The following ZNF883 variants were observed in gnomAD, a reference collection of about 807,000 sequenced individuals.
ZNF883 encodes the protein zinc finger protein 883.
exon 1 of ZNF883, chr9:112,998,101 G>C (rs113877750): frequency 3.1e-6 from 5 of 1,613,896 alleles, no homozygotes; most frequent in African/African-American, 2.7e-5. Flanking sequence ...CAAGATTACT[G>C]TTCCGGGTAA....
chr9:112,998,386 T>C, upstream of ZNF883: 1 of 698,284 alleles, frequency 1.4e-6, no homozygotes. Flanking sequence ...TTCTTATATC[T>C]AATAAATTAT....
chr9:112,991,734 T>C (rs1210588918), intron 1 of ZNF883, among the ~76,000 whole-genome samples: 1 of 152,214 alleles, frequency 6.6e-6, no homozygotes, highest in Non-Finnish European at 1.5e-5. Context: ...TGTCGGTCTC[T>C]AAGAACTTGT....
intron 2 of ZNF883, among the ~76,000 whole-genome samples, chr9:113,010,799 A>AAC (rs1828527016): frequency 6.6e-6 from 1 of 152,142 alleles, no homozygotes; most frequent in African/African-American, 2.4e-5. Flanking sequence ...CAGGATGCCC[A>AAC]ACATGGTGAA....
chr9:112,992,264 C>CAAGGGAG (rs1485675838), downstream of ZNF883, among the ~76,000 whole-genome samples: 1 of 152,150 alleles, frequency 6.6e-6, no homozygotes, highest in African/African-American at 2.4e-5. Context: ...GGAGCTCTTG[C>CAAGGGAG]AAGGGAGGCC....
upstream of ZNF883, chr9:113,001,959 C>T (rs576539512): frequency 2.4e-4 from 37 of 152,266 alleles, no homozygotes; most frequent in African/African-American, 6.5e-4. Flanking sequence ...ATCTCATGAT[C>T]CTACATATTT....
At chr9:112,993,794 T>C (rs2118601610), downstream of ZNF883, among the ~76,000 whole-genome samples, 1 of 152,316 alleles carries the variant, frequency 6.6e-6, no homozygotes. Flanking sequence ...GTGAGGAGGA[T>C]TGATCAGGGC....
downstream of ZNF883, among the ~76,000 whole-genome samples, chr9:112,996,230 T>C (rs1828352834): frequency 6.6e-6 from 1 of 152,196 alleles, no homozygotes; most frequent in African/African-American, 2.4e-5. Flanking sequence ...AATATTTCCC[T>C]CTGAGAATTT....
chr9:112,997,086 A>G (rs1400396008), downstream of ZNF883: 2 of 1,520,278 alleles, frequency 1.3e-6, no homozygotes, highest in South Asian at 1.3e-5. Flanking sequence ...TGTAAACAAT[A>G]ACCTACGACT....
exon 1 of ZNF883, chr9:112,997,401 G>T (rs753821190): frequency 1.9e-6 from 3 of 1,613,978 alleles, no homozygotes; most frequent in Non-Finnish European, 2.5e-6. Context: ...ACACAAGAAT[G>T]AATTTTTAGA....
chr9:112,995,201 T>A (rs1452294986), downstream of ZNF883, among the ~76,000 whole-genome samples: 6 of 151,154 alleles, frequency 4.0e-5, no homozygotes, highest in Non-Finnish European at 8.9e-5. Context: ...CCAAATAGAA[T>A]AAAAGGCTGA....
upstream of ZNF883, chr9:113,001,897 T>A (rs1828429522): frequency 6.6e-6 from 1 of 152,168 alleles, no homozygotes; most frequent in African/African-American, 2.4e-5. Context: ...TACAGAAATA[T>A]CTTGTCTCTG....
downstream of ZNF883, among the ~76,000 whole-genome samples, chr9:112,995,286 A>G (rs1350306262): frequency 4.6e-5 from 7 of 152,086 alleles, no homozygotes; most frequent in East Asian, 1.3e-3. Context: ...TCAAACTGGA[A>G]CTTACACCTT....
intron 2 of ZNF883, among the ~76,000 whole-genome samples, chr9:113,008,613 AATTTTTCT>A (rs1226850700): frequency 1.3e-5 from 2 of 152,116 alleles, no homozygotes; most frequent in African/African-American, 4.8e-5. Flanking sequence ...ATTTTATTTG[AATTTTTCT>A]ATTTTTCTGA....
downstream of ZNF883, among the ~76,000 whole-genome samples, chr9:112,994,160 G>C (rs989010269): frequency 1.3e-5 from 2 of 152,200 alleles, no homozygotes; most frequent in African/African-American, 4.8e-5. Context: ...CTGATCTGTG[G>C]GTTGCACAGA....
rs188792103 is a variant in ZNF883 at position 113,009,435 on chromosome 9, C to T, written n.165+1706G>A. Among the ~76,000 whole-genome samples, 7 of 152,254 alleles carry T rather than the reference C, an allele frequency of 4.6e-5. No homozygotes were observed. In the East Asian group the frequency reaches 1.4e-3, roughly 29 times the overall value. Reference sequence around the variant, plus strand: ...AGCACATCTGCACCTTGAGGCTTTGCATTTGCTGTTGCTTCTGCTGAGGAA... The same window carrying T: ...AGCACATCTGCACCTTGAGGCTTTGTATTTGCTGTTGCTTCTGCTGAGGAA... On this transcript the variant is annotated intron_variant and non_coding_transcript_variant, in intron 2 of 4. Coordinates refer to the ZNF883 transcript ENST00000638622.
At chr9:112,997,436 CTG>C (rs753513421) in exon 1 of ZNF883, 107 of 1,614,054 alleles carry the variant, frequency 6.6e-5, no homozygotes, top group Non-Finnish European at 8.1e-5. Flanking sequence ...TGTACTTCGA[CTG>C]AAGGTTTTTC....
chr9:112,996,574 G>A (rs1233133045), downstream of ZNF883, among the ~76,000 whole-genome samples: 2 of 150,910 alleles, frequency 1.3e-5, no homozygotes, highest in East Asian at 3.9e-4. Context: ...GGCAGATCAT[G>A]AGGTCAGGAG....
At chr9:112,996,722 C>T (rs1446595372), downstream of ZNF883, among the ~76,000 whole-genome samples, 74 of 119,290 alleles carry the variant, frequency 6.2e-4, no homozygotes, top group Admixed American at 7.0e-4. Context: ...ACCTGGGAGG[C>T]GGAGCTTGCA....
downstream of ZNF883, among the ~76,000 whole-genome samples, chr9:112,996,278 AAAAAATATTAC>A (rs1265966977): frequency 6.6e-6 from 1 of 152,210 alleles, no homozygotes; most frequent in African/African-American, 2.4e-5. Context: ...ATAGTCCATT[AAAAAATATTAC>A]ATAAATCTTA....
Sources: allele counts gnomAD v4.1 joint callset (sites outside exome capture counted in the v4.1 genomes callset), GRCh38; gene constraint gnomAD v4.1.1; transcripts MANE v1.5; gene names NCBI Gene and HGNC (gene_info 2026-07-23, HGNC 2026-07-21).